CLIC5: variants seen among roughly 807,000 people sequenced by gnomAD.
The protein encoded by CLIC5 is chloride intracellular channel protein 5.
In CLIC5, 20 loss-of-function variants were observed where a neutral mutation model predicts 24.7. The observed-to-expected ratio is 0.81, with a 90% confidence interval of 0.57 to 1.18. CLIC5 has a LOEUF of 1.18. Among genes scored for constraint, CLIC5 ranks in the 50% most tolerant of loss-of-function variants. The pLI is 0.00. For missense variants in CLIC5, 341 were observed against 326.1 expected, an observed-to-expected ratio of 1.05 and a Z score of -0.35; for synonymous variants, 159 against 135.6, an observed-to-expected ratio of 1.17 and a Z score of -1.20.
At chr6:45,995,891 G>A (rs764862218) in intron 1 of CLIC5, among the ~76,000 whole-genome samples, 7 of 152,004 alleles carry the variant, frequency 4.6e-5, no homozygotes, top group Non-Finnish European at 8.8e-5. Context: ...ATGTTCTCAC[G>A]TATAAGTGGG....
Position 45,891,145 on chromosome 6 carries a change from C to T in CLIC5, c.624-9957G>A, listed in dbSNP as rs145850822. Among the ~76,000 whole-genome samples the T allele has an allele frequency of 3.9e-3, 590 of 152,092 alleles. 6 individuals are homozygous for T. Among genetic ancestry groups the T allele is most frequent in the African/African-American group, 0.013 (549 of 41,488 alleles). ...TGCAAGTTAGCCTGATTTGATCATT[C>T]CACAATTTACACATGTATCAAAACA... On this transcript the variant is annotated intron_variant, in intron 6 of 6. Coordinates refer to the CLIC5 transcript ENST00000644324.
At chr6:45,892,543 G>A (rs942821209) in intron 6 of CLIC5, among the ~76,000 whole-genome samples, 3 of 152,156 alleles carry the variant, frequency 2.0e-5, no homozygotes, top group Non-Finnish European at 4.4e-5. Flanking sequence ...TGCAGTGCGG[G>A]CTTTGTTCTT....
intron 4 of CLIC5, among the ~76,000 whole-genome samples, chr6:45,917,850 C>T: frequency 6.6e-6 from 1 of 152,166 alleles, no homozygotes; most frequent in Admixed American, 6.5e-5. Flanking sequence ...GTGAAAGAAA[C>T]TAGAGCAACA....
intron 1 of CLIC5, among the ~76,000 whole-genome samples, chr6:45,990,132 A>G (rs1017181192): frequency 1.3e-5 from 2 of 152,214 alleles, no homozygotes; most frequent in African/African-American, 4.8e-5. Context: ...ATTAAATTAT[A>G]TAATTATTCA....
At chr6:46,042,232 G>A (rs1767827311) in intron 1 of CLIC5, among the ~76,000 whole-genome samples, 1 of 152,144 alleles carries the variant, frequency 6.6e-6, no homozygotes, top group Admixed American at 6.5e-5. Context: ...ATTCTGAACA[G>A]TTTCTTAACT....
At chr6:45,931,058 T>G (rs185261568) in intron 4 of CLIC5, among the ~76,000 whole-genome samples, 1 of 152,106 alleles carries the variant, frequency 6.6e-6, no homozygotes, top group East Asian at 1.9e-4. Flanking sequence ...AAAAGAAGAA[T>G]AATATTTCAT....
the CLIC5 span, among the ~76,000 whole-genome samples, chr6:46,123,852 A>G: frequency 6.6e-6 from 1 of 152,220 alleles, no homozygotes; most frequent in African/African-American, 2.4e-5. Context: ...AGAGAATAAA[A>G]TACCTAGAAT....
At chr6:46,000,563 C>T (rs1361457127) in intron 1 of CLIC5, among the ~76,000 whole-genome samples, 1 of 152,158 alleles carries the variant, frequency 6.6e-6, no homozygotes, top group Non-Finnish European at 1.5e-5. Context: ...ATACCCAAGA[C>T]TGGGTAATTT....
chr6:46,128,678 C>T, the CLIC5 span, among the ~76,000 whole-genome samples: 2 of 152,118 alleles, frequency 1.3e-5, no homozygotes, highest in South Asian at 2.1e-4. Flanking sequence ...AGACACTGGC[C>T]CATGATTGCT....
chr6:46,028,202 G>A (rs968116092), intron 1 of CLIC5, among the ~76,000 whole-genome samples: 1 of 152,230 alleles, frequency 6.6e-6, no homozygotes, highest in African/African-American at 2.4e-5. Flanking sequence ...AAAGGCAGAA[G>A]GATGCAAAAC....
intron 1 of CLIC5, 64 bp downstream of exon 1, chr6:46,015,416 G>A (rs1766964857): frequency 1.4e-6 from 2 of 1,440,686 alleles, no homozygotes; most frequent in Non-Finnish European, 1.8e-6. Context: ...CGCACCCCGA[G>A]CCCTGGTGGG....
chr6:45,912,582 A>G, intron 5 of CLIC5: 1 of 1,440,632 alleles, frequency 6.9e-7, no homozygotes, highest in East Asian at 2.6e-5. Flanking sequence ...CATGAGAAAA[A>G]TGAATTCCAA....
intron 4 of CLIC5, chr6:45,920,121 C>T (rs534088216): frequency 1.0e-6 from 1 of 966,394 alleles, no homozygotes; most frequent in African/African-American, 1.8e-5. Context: ...TCCCCCATGC[C>T]TTACCTTCCA....
At chr6:45,957,832 A>G (rs983227887) in intron 1 of CLIC5, among the ~76,000 whole-genome samples, 1 of 152,162 alleles carries the variant, frequency 6.6e-6, no homozygotes, top group Admixed American at 6.5e-5. Flanking sequence ...CATGGGTTAA[A>G]TATCGTGATC....
chr6:45,975,757 T>G (rs1320239853), intron 1 of CLIC5, among the ~76,000 whole-genome samples: 1 of 152,210 alleles, frequency 6.6e-6, no homozygotes, highest in Non-Finnish European at 1.5e-5. Flanking sequence ...CCAAGTTAGC[T>G]GGAGCCTTCA....
the CLIC5 span, among the ~76,000 whole-genome samples, chr6:46,113,165 G>T: frequency 2.8e-4 from 43 of 152,258 alleles, no homozygotes; most frequent in African/African-American, 1.0e-3. Context: ...CTACTCAGGG[G>T]TCAGATCCTG....
chr6:46,006,537 G>A (rs1766589565), intron 1 of CLIC5, among the ~76,000 whole-genome samples: 1 of 151,964 alleles, frequency 6.6e-6, no homozygotes, highest in Admixed American at 6.6e-5. Flanking sequence ...ACACATCCGG[G>A]CTTGTCTTGC....
intron 4 of CLIC5, among the ~76,000 whole-genome samples, chr6:45,919,442 C>T (rs1005283690): frequency 3.9e-5 from 6 of 152,180 alleles, no homozygotes; most frequent in African/African-American, 9.6e-5. Context: ...GATACCCAAG[C>T]AAAGCACCAC....
the CLIC5 span, among the ~76,000 whole-genome samples, chr6:46,117,123 C>A: frequency 6.6e-6 from 1 of 152,126 alleles, no homozygotes; most frequent in African/African-American, 2.4e-5. Context: ...TCTTCTCTAC[C>A]TAGTGCACAG....
Sources: gnomAD v4.1 joint callset for allele counts (sites outside exome capture counted in the v4.1 genomes callset) on GRCh38, gnomAD v4.1.1 for gene constraint, MANE v1.5 for transcripts, NCBI Gene and HGNC (gene_info 2026-07-23, HGNC 2026-07-21) for gene names.